ZNF121: variants seen among roughly 807,000 people sequenced by gnomAD.
ZNF121 encodes zinc finger protein 121.
ZNF121 carries 1 observed loss-of-function variant against 2.4 expected under a neutral mutation model. That is an observed-to-expected ratio of 0.41 (90% CI 0.15 to 1.94). The LOEUF (loss-of-function observed/expected upper bound fraction) is 1.94. Ranked by LOEUF, ZNF121 falls within the 30% of genes most tolerant of loss-of-function variation. ZNF121 has a pLI of 0.30. For synonymous variants in ZNF121, 173 were observed against 158.6 expected, an observed-to-expected ratio of 1.09 and a Z score of -0.68; for missense variants, 369 against 466.3, an observed-to-expected ratio of 0.79 and a Z score of 1.92.
intron 1 of ZNF121, among the ~76,000 whole-genome samples, chr19:9,580,873 T>G (rs1365223024): frequency 1.3e-5 from 2 of 152,214 alleles, no homozygotes; most frequent in African/African-American, 2.4e-5. Flanking sequence ...AGAAACAGGT[T>G]GTGGTTTGCC....
At chr19:9,581,816 T>A (rs2074250117) in intron 1 of ZNF121, among the ~76,000 whole-genome samples, 1 of 152,182 alleles carries the variant, frequency 6.6e-6, no homozygotes. Flanking sequence ...AAAGCAGACA[T>A]TAGATGACAT....
chr19:9,563,324 G>A lies in ZNF121; in HGVS notation c.*2616C>T, dbSNP rs1183005007. 1 of 152,246 alleles carries A rather than the reference G, an allele frequency of 6.6e-6. No homozygotes were observed. Among genetic ancestry groups the A allele is most frequent in the Non-Finnish European group, 1.5e-5 (1 of 68,052 alleles). 9.4% of individuals were successfully genotyped at this position (152,246 alleles called of 1,614,324 possible). ...TAATTCTATGAAGGCTGAGAGGTGA[G>A]TTAGCTGCAGAAGAAATGCTGGAAG... On this transcript the variant is annotated 3_prime_UTR_variant, in exon 4 of 4. Transcript: ENST00000320451.
At position 9,564,127 on chromosome 19, in the gene ZNF121, T is replaced by C. The variant is rs1017169521; in HGVS notation, c.*1813A>G. ...GCTTCTTCTGAGGGATCTGGATAAA[T>C]TAAGTTGCAGACCTTGCAGAAAGGA... On this transcript the variant is annotated 3_prime_UTR_variant, in exon 4 of 4. Transcript: ENST00000320451. The C allele has an allele frequency of 6.6e-6, 1 of 152,188 alleles. No individual in the cohort carries two copies. Among genetic ancestry groups the C allele is most frequent in the East Asian group, 1.9e-4 (1 of 5,198 alleles). The allele number at this position is 152,188 out of a possible 1,614,324, so 9.4% of individuals were successfully genotyped here. A position where few individuals can be genotyped will look rare whatever the true frequency, so the allele number is the denominator to read the frequency against.
chr19:9,572,540 G>C (rs561569659), intron 1 of ZNF121, among the ~76,000 whole-genome samples: 1 of 152,332 alleles, frequency 6.6e-6, no homozygotes, highest in Admixed American at 6.5e-5. Context: ...GGCCAAAGGA[G>C]AAGCCAAGTC....
Position 9,566,102 on chromosome 19 carries a change from C to T in ZNF121, c.1011G>A (p.Glu337=). The T allele has an allele frequency of 6.2e-7, 1 of 1,614,042 alleles. No individual in the cohort carries two copies. The highest frequency in any genetic ancestry group is 8.5e-7 in the Non-Finnish European group (1 of 1,179,994). ...CACATTCCTTACATATATACGGTTTCTCTCCAGTGTGAGTTCTTATATGTT... is the reference window on the plus strand; with the variant it reads ...CACATTCCTTACATATATACGGTTTTTCTCCAGTGTGAGTTCTTATATGTT... ...LIEHIRTHTG[E]KPYICKECGK... is the part of the protein sequence containing the mutation. The change falls in exon 4 of 4, where the codon GAG becomes GAA. Residue 337 remains glutamate (E), a synonymous_variant. Transcript: ENST00000320451.
chr19:9,581,784 C>T (rs770957224), intron 1 of ZNF121, among the ~76,000 whole-genome samples: 8 of 151,964 alleles, frequency 5.3e-5, no homozygotes, highest in Non-Finnish European at 1.2e-4. Flanking sequence ...TGAATCAATG[C>T]GGAGAATTTT....
At chr19:9,580,088 T>C (rs7255454) in intron 1 of ZNF121, among the ~76,000 whole-genome samples, 25,968 of 151,772 alleles carry the variant, frequency 0.17, 3,497 homozygotes, top group African/African-American at 0.38. Context: ...GTCAGGAGAT[T>C]GAGACCATCC....
intron 1 of ZNF121, among the ~76,000 whole-genome samples, chr19:9,572,588 G>A (rs1050660734): frequency 2.0e-5 from 3 of 152,152 alleles, no homozygotes; most frequent in Non-Finnish European, 4.4e-5. Flanking sequence ...GTAGGGGTAC[G>A]CTACACAGGT....
rs569685659 is a variant in ZNF121 at position 9,563,182 on chromosome 19, G to A, written c.*2758C>T. The A allele has an allele frequency of 1.3e-5, 2 of 151,690 alleles. No individual in the cohort carries two copies. Among genetic ancestry groups the A allele is most frequent in the South Asian group, 4.2e-4 (2 of 4,806 alleles). The allele number at this position is 151,690 out of a possible 1,614,324, so 9.4% of individuals were successfully genotyped here. A position where few individuals can be genotyped will look rare whatever the true frequency, so the allele number is the denominator to read the frequency against. ...ACTCCAGTGAACACACACATAATAAGAAAGGAAAACAGCCTCACCACTAAC... is the reference window on the plus strand; with the variant it reads ...ACTCCAGTGAACACACACATAATAAAAAAGGAAAACAGCCTCACCACTAAC... On this transcript the variant is annotated 3_prime_UTR_variant, in exon 4 of 4. Transcript: ENST00000320451.
rs981848225 is a variant in ZNF121 at position 9,560,681 on chromosome 19, T to C, written c.*5259A>G. 2.3e-4 allele frequency: 35 copies of C among 152,244 alleles called. No individual in the cohort carries two copies. Among genetic ancestry groups the C allele is most frequent in the African/African-American group, 7.5e-4 (31 of 41,464 alleles). 9.4% of individuals were successfully genotyped at this position (152,244 alleles called of 1,614,324 possible). A position where few individuals can be genotyped will look rare whatever the true frequency, so the allele number is the denominator to read the frequency against. ...GTTTTTAAGGCTAAATGATATTGCA[T>C]TGTATGTATATAATGCATTTTGTTT... is the stretch of plus-strand genomic sequence containing the variant. On this transcript the variant is annotated 3_prime_UTR_variant, in exon 4 of 4. Coordinates refer to ENST00000320451, the MANE Select transcript of ZNF121 (RefSeq NM_001008727.5).
rs2074133491 is a variant in ZNF121, at chr19:9,566,557, G to A, written c.556C>T (p.His186Tyr). The A allele has an allele frequency of 1.2e-6, 2 of 1,614,054 alleles. No homozygotes were observed. The highest frequency in any genetic ancestry group is 1.3e-5 in the African/African-American group (1 of 74,940). ...TGAATTCTTACATGTTCAACTAGGTGTGAAGAAACAGTGAAGCATTTCCCA... is the reference window on the plus strand; with the variant it reads ...TGAATTCTTACATGTTCAACTAGGTATGAAGAAACAGTGAAGCATTTCCCA... ...ECGKCFTVSS[H>Y]LVEHVRIHTG... The change falls in exon 4 of 4, where the codon CAC becomes TAC. Residue 186 changes from histidine (H) to tyrosine (Y), a missense_variant. Physicochemically the swap from His to Tyr is moderately conservative, Grantham distance 83. This residue lies in a region of ZNF121 where 68 missense variants were observed against 105.5 expected (regional missense o/e 0.64). Coordinates refer to ENST00000320451, the MANE Select transcript of ZNF121 (RefSeq NM_001008727.5).
chr19:9,567,135 T>G (rs767489564), intron 3 of ZNF121, 26 bp from the exon 4 acceptor site: 7 of 1,553,762 alleles, frequency 4.5e-6, no homozygotes, highest in Non-Finnish European at 2.6e-6. Context: ...TGAATGATGA[T>G]TAAAGGATTT....
In ZNF121 at chr19:9,567,101, G is replaced by T. The variant is rs989930715; in HGVS notation, c.12C>A (p.Ile4=). 6.2e-7 allele frequency: 1 copy of T among 1,606,000 alleles called. No individual in the cohort carries two copies. The highest frequency in any genetic ancestry group is 1.1e-5 in the South Asian group (1 of 89,938). ...AGTCACAGAGTTCCCCTCCATTGTG[G>T]ATTTCTGCCTGTTAATAAAGGGATG... MAE[I]HNGGELCDFM... Residue 4 remains isoleucine, a synonymous_variant, in exon 4 of 4, where the codon ATC becomes ATA. Transcript: ENST00000320451.
chr19:9,567,954 C>T (rs2074145505), intron 3 of ZNF121, 141 bp downstream of exon 3: 2 of 883,928 alleles, frequency 2.3e-6, no homozygotes, highest in Non-Finnish European at 3.3e-6. Context: ...GAAACAGTAC[C>T]AGTGGGGACC....
rs4804448 is a variant in ZNF121, at chr19:9,568,292, A to G, written c.-78-117T>C. 28 of 477,692 alleles carry G rather than the reference A, an allele frequency of 5.9e-5. 1 individual carries two copies. The Admixed American group carries it at 8.1e-4, about 14-fold the overall frequency. 29.6% of individuals were successfully genotyped at this position (477,692 alleles called of 1,614,324 possible). A position where few individuals can be genotyped will look rare whatever the true frequency, so the allele number is the denominator to read the frequency against. The stretch of plus-strand genomic sequence containing the variant: ...TGTCATATTCAGCACACTCAAAAAA[A>G]TTAAACAGACATAGATTTGAACAGT... On this transcript the variant is annotated intron_variant, in intron 2 of 3. Transcript: ENST00000320451.
intron 1 of ZNF121, among the ~76,000 whole-genome samples, chr19:9,571,220 TG>T: frequency 1.3e-5 from 2 of 152,370 alleles, no homozygotes; most frequent in Non-Finnish European, 2.9e-5. Context: ...AACACGGTTG[TG>T]TTCTGATTAA....
At position 9,565,931 on chromosome 19, in the gene ZNF121, A is replaced by G; in HGVS notation, c.*9T>C. ...AGATTTCCACATTCCTTACATTCAGAGTTTTTCTTCAGTGTGTTTTTAAAT... is the reference window on the plus strand; with the variant it reads ...AGATTTCCACATTCCTTACATTCAGGGTTTTTCTTCAGTGTGTTTTTAAAT... On this transcript the variant is annotated 3_prime_UTR_variant, in exon 4 of 4. Transcript: ENST00000320451. 6.6e-7 allele frequency: 1 copy of G among 1,524,102 alleles called. No individual in the cohort carries two copies. The highest frequency in any genetic ancestry group is 8.8e-7 in the Non-Finnish European group (1 of 1,131,940). The allele number at this position is 1,524,102 out of a possible 1,614,324, so 94.4% of individuals were successfully genotyped here.
intron 1 of ZNF121, among the ~76,000 whole-genome samples, chr19:9,575,791 T>C (rs35329081): frequency 0.012 from 1,900 of 152,162 alleles, 59 homozygotes; most frequent in South Asian, 0.084. Context: ...AGGGGTCAAT[T>C]CAGCAGGAGG....
At chr19:9,583,077 G>C (rs575752043) in intron 1 of ZNF121, among the ~76,000 whole-genome samples, 2 of 83,722 alleles carry the variant, frequency 2.4e-5, no homozygotes, top group South Asian at 8.2e-4. Flanking sequence ...AAATTAGCTG[G>C]GCATGGTCCC....
Sources: allele counts gnomAD v4.1 joint callset (sites outside exome capture counted in the v4.1 genomes callset), GRCh38; gene constraint gnomAD v4.1.1; regional missense constraint gnomAD v4.1.1; transcripts MANE v1.5; gene names NCBI Gene and HGNC (gene_info 2026-07-23, HGNC 2026-07-21).